The following BTBD9 variants were observed in gnomAD, a reference collection of about 807,000 sequenced individuals.
BTBD9 encodes BTB domain containing 9, also known as BTB/POZ domain-containing protein 9.
Under a neutral mutation model 64.3 loss-of-function variants are expected in BTBD9, and 49 were observed. The ratio of observed to expected loss-of-function variants is 0.76; its 90% CI spans 0.61 to 0.97. BTBD9 has a LOEUF of 0.97. BTBD9 is among the 50% of genes least tolerant of loss of function. The pLI, the probability that BTBD9 is intolerant of heterozygous loss-of-function variation, is 0.00. For synonymous variants in BTBD9, 260 were observed against 274.7 expected (o/e 0.95, Z 0.53); for missense variants, 598 against 762.1 (o/e 0.78, Z 2.53).
intron 6 of BTBD9, among the ~76,000 whole-genome samples, chr6:38,463,282 T>A (rs577523149): frequency 6.6e-6 from 1 of 152,376 alleles, no homozygotes; most frequent in Admixed American, 6.5e-5. Flanking sequence ...TTTTTGTGGA[T>A]TCCATTGGAT....
chr6:38,398,097 T>C (rs9357271), intron 6 of BTBD9, among the ~76,000 whole-genome samples: 58,295 of 152,004 alleles, frequency 0.38, 13,710 homozygotes, highest in East Asian at 0.87. Flanking sequence ...TGAGAAGTTT[T>C]AGTAGAGGAG....
At chr6:38,232,484 A>T (rs1225231930) in intron 9 of BTBD9, among the ~76,000 whole-genome samples, 1 of 151,966 alleles carries the variant, frequency 6.6e-6, no homozygotes, top group African/African-American at 2.4e-5. Flanking sequence ...GTTAGCCAGG[A>T]TGGTCTCGAT....
intron 6 of BTBD9, among the ~76,000 whole-genome samples, chr6:38,419,048 C>T (rs2127272996): frequency 6.6e-6 from 1 of 152,286 alleles, no homozygotes; most frequent in Non-Finnish European, 1.5e-5. Context: ...CCCATTCTTA[C>T]AAAATAGCAA....
At chr6:38,593,498 A>G (rs1441715356) in intron 3 of BTBD9, among the ~76,000 whole-genome samples, 1 of 152,188 alleles carries the variant, frequency 6.6e-6, no homozygotes, top group Non-Finnish European at 1.5e-5. Flanking sequence ...TGAGCAAAAC[A>G]GTTTTACTCT....
chr6:38,256,510 T>C lies in BTBD9; in HGVS notation c.1461A>G (p.Leu487=), dbSNP rs770091069. Reference sequence around the variant, plus strand: ...AGCTTCGATCATCACAATCCCAAAGTAGTAACCTGAACAAAGGGAAAAACA... The same window carrying C: ...AGCTTCGATCATCACAATCCCAAAGCAGTAACCTGAACAAAGGGAAAAACA... ...QPYMIGSIRL[L]LWDCDDRSYS... The change falls in exon 9 of 11, where the codon CTA becomes CTG. Residue 487 remains leucine, a synonymous_variant. Transcript: ENST00000481247. 4.3e-6 allele frequency: 7 copies of C among 1,610,018 alleles called. No homozygotes were observed. Among genetic ancestry groups the C allele is most frequent in the Non-Finnish European group, 6.0e-6 (7 of 1,176,410 alleles).
At chr6:38,592,871 T>G in intron 3 of BTBD9, 31 bp from the exon 4 acceptor site, 1 of 1,607,258 alleles carries the variant, frequency 6.2e-7, no homozygotes, top group Non-Finnish European at 8.5e-7. Context: ...AAATTCCAGT[T>G]ATATGAAGTT....
At chr6:38,339,923 GA>G (rs1764036124) in intron 7 of BTBD9, among the ~76,000 whole-genome samples, 1 of 152,128 alleles carries the variant, frequency 6.6e-6, no homozygotes, top group South Asian at 2.1e-4. Flanking sequence ...TCTAGAGACA[GA>G]AGGACCTAAA....
chr6:38,244,975 C>T (rs1764130962), intron 9 of BTBD9, among the ~76,000 whole-genome samples: 1 of 152,232 alleles, frequency 6.6e-6, no homozygotes, highest in Admixed American at 6.5e-5. Flanking sequence ...AATGGGCAAA[C>T]TTCCCAATTG....
At position 38,534,443 on chromosome 6, in the gene BTBD9, CA is replaced by C. The variant is rs373239436; in HGVS notation, c.1154+43156del. Among the ~76,000 whole-genome samples the C allele has an allele frequency of 8.5e-3, 1,062 of 125,120 alleles. 8 individuals are homozygous for C. The highest frequency in any genetic ancestry group is 0.028 in the African/African-American group (917 of 33,236). 82.1% of individuals were successfully genotyped at this position (125,120 alleles called of 152,430 possible). A position where few individuals can be genotyped will look rare whatever the true frequency, so the allele number is the denominator to read the frequency against. Reference sequence around the variant, plus strand: ...TGCTGAACTCTACCAAACATTTAAACAAAAACTGATACCAATTCTACTCAAA... The same window carrying C: ...TGCTGAACTCTACCAAACATTTAAACAAAACTGATACCAATTCTACTCAAA... On this transcript the variant is annotated intron_variant, in intron 6 of 10. Coordinates refer to ENST00000481247, the MANE Select transcript of BTBD9 (RefSeq NM_001099272.2).
intron 6 of BTBD9, among the ~76,000 whole-genome samples, chr6:38,379,757 G>A (rs1765848772): frequency 6.6e-6 from 1 of 152,146 alleles, no homozygotes; most frequent in Non-Finnish European, 1.5e-5. Context: ...TACCACATAT[G>A]CTCGGATATT....
chr6:38,312,034 T>C (rs1762857411), intron 7 of BTBD9, among the ~76,000 whole-genome samples: 1 of 151,944 alleles, frequency 6.6e-6, no homozygotes, highest in South Asian at 2.1e-4. Context: ...GCTAATTTTT[T>C]ATTTTTAGTA....
intron 10 of BTBD9, among the ~76,000 whole-genome samples, chr6:38,183,982 G>T (rs911786625): frequency 7.2e-5 from 11 of 152,222 alleles, no homozygotes; most frequent in African/African-American, 1.4e-4. Flanking sequence ...CTGCAGTGTG[G>T]TGGGGAGCCA....
chr6:38,344,743 T>C (rs1296398128), intron 7 of BTBD9, among the ~76,000 whole-genome samples: 2 of 152,242 alleles, frequency 1.3e-5, no homozygotes, highest in East Asian at 3.8e-4. Context: ...CTGAATGAAT[T>C]ACTAAAATAT....
At chr6:38,351,485 A>AG (rs2127592899) in intron 6 of BTBD9, among the ~76,000 whole-genome samples, 1 of 151,810 alleles carries the variant, frequency 6.6e-6, no homozygotes, top group African/African-American at 2.4e-5. Context: ...CCAATACTAA[A>AG]GACAAATATT....
At chr6:38,354,012 T>G (rs1314977785) in intron 6 of BTBD9, among the ~76,000 whole-genome samples, 1 of 152,086 alleles carries the variant, frequency 6.6e-6, no homozygotes, top group Non-Finnish European at 1.5e-5. Context: ...TTTTTTTCTT[T>G]TAGAGTAGAG....
At chr6:38,534,576 A>C (rs1037923148) in intron 6 of BTBD9, among the ~76,000 whole-genome samples, 1 of 152,104 alleles carries the variant, frequency 6.6e-6, no homozygotes, top group African/African-American at 2.4e-5. Flanking sequence ...CATCAAAAAA[A>C]GAAAACTACA....
chr6:38,236,658 C>T (rs1763786746), intron 9 of BTBD9, among the ~76,000 whole-genome samples: 1 of 152,134 alleles, frequency 6.6e-6, no homozygotes, highest in African/African-American at 2.4e-5. Context: ...AAATCAAATC[C>T]CAGTAAACAA....
At position 38,168,864 on chromosome 6, in the gene BTBD9, T is replaced by G. The variant is rs1766629599; in HGVS notation, c.*6121A>C. The stretch of plus-strand genomic sequence containing the variant: ...GGCCTAGCCCTGAGGACCCCTGGCC[T>G]CCTGGCGCCCCTCCAGAGTCTCACG... On this transcript the variant is annotated 3_prime_UTR_variant, in exon 11 of 11. Coordinates refer to ENST00000481247, the MANE Select transcript of BTBD9 (RefSeq NM_001099272.2). 1 of 152,318 alleles carries G rather than the reference T, an allele frequency of 6.6e-6. No homozygotes were observed. The highest frequency in any genetic ancestry group is 2.1e-4 in the South Asian group (1 of 4,832). The allele number at this position is 152,318 out of a possible 1,614,324, so 9.4% of individuals were successfully genotyped here. A position where few individuals can be genotyped will look rare whatever the true frequency, so the allele number is the denominator to read the frequency against.
intron 4 of BTBD9, chr6:38,587,577 A>G: frequency 1.7e-6 from 1 of 571,768 alleles, no homozygotes; most frequent in Non-Finnish European, 3.3e-6. Flanking sequence ...GTAGTAGGAC[A>G]CTGAAATTGA....
Sources: allele counts gnomAD v4.1 joint callset (sites outside exome capture counted in the v4.1 genomes callset), GRCh38; gene constraint gnomAD v4.1.1; transcripts MANE v1.5; gene names NCBI Gene and HGNC (gene_info 2026-07-23, HGNC 2026-07-21).